The following CELF2 variants were observed in gnomAD, a reference collection of about 807,000 sequenced individuals.
The protein encoded by CELF2 is CUGBP Elav-like family member 2.
Under a neutral mutation model 62.6 loss-of-function variants are expected in CELF2, and 8 were observed. The ratio of observed to expected loss-of-function variants is 0.13; its 90% CI spans 0.07 to 0.23. The LOEUF (loss-of-function observed/expected upper bound fraction) is 0.23. Ranked by LOEUF, CELF2 falls within the 10% of genes least tolerant of loss-of-function variation. The pLI, the probability that CELF2 is intolerant of heterozygous loss-of-function variation, is 1.00. For synonymous variants in CELF2, 258 were observed against 250.0 expected, an observed-to-expected ratio of 1.03 and a Z score of -0.30; for missense variants, 333 against 671.0, an observed-to-expected ratio of 0.50 and a Z score of 5.56.
chr10:11,265,817 T>C (rs1000081317), intron 5 of CELF2, among the ~76,000 whole-genome samples: 14 of 152,226 alleles, frequency 9.2e-5, no homozygotes, highest in Admixed American at 7.8e-4. Context: ...GTACATTGTC[T>C]TGTGTATGTT....
the CELF2 span, among the ~76,000 whole-genome samples, chr10:10,624,266 T>G: frequency 6.6e-6 from 1 of 152,236 alleles, no homozygotes; most frequent in Non-Finnish European, 1.5e-5. Flanking sequence ...ATGCCAGAAA[T>G]CTGGTCTGTA....
chr10:11,286,715 TC>T (rs1469264020), intron 8 of CELF2, among the ~76,000 whole-genome samples: 1 of 152,234 alleles, frequency 6.6e-6, no homozygotes, highest in African/African-American at 2.4e-5. Context: ...GAGAGTGCTT[TC>T]TTTTGATTAT....
At chr10:11,086,010 A>T (rs77227105) in intron 1 of CELF2, among the ~76,000 whole-genome samples, 3,202 of 152,246 alleles carry the variant, frequency 0.021, 120 homozygotes, top group African/African-American at 0.073. Context: ...AATACACGTG[A>T]AAGTGCTTAG....
the CELF2 span, among the ~76,000 whole-genome samples, chr10:10,481,095 T>C: frequency 6.6e-6 from 1 of 152,132 alleles, no homozygotes; most frequent in Non-Finnish European, 1.5e-5. Context: ...TCAGTGTTAG[T>C]ACTTTGAAAA....
the CELF2 span, among the ~76,000 whole-genome samples, chr10:10,606,616 C>T: frequency 6.6e-6 from 1 of 152,144 alleles, no homozygotes; most frequent in East Asian, 1.9e-4. Flanking sequence ...GGATTCAAAT[C>T]AGCAAACTTG....
rs148134122 is a variant in CELF2, at chr10:11,213,176, G to A, written c.272-4249G>A. Among the ~76,000 whole-genome samples, 442 of 152,306 alleles carry A rather than the reference G, an allele frequency of 2.9e-3. 2 individuals carry two copies. Among genetic ancestry groups the A allele is most frequent in the African/African-American group, 9.9e-3 (413 of 41,562 alleles). Reference sequence around the variant, plus strand: ...TCCCAGAATGAATTCTGAAGCCCAAGGGACTGTCCCCTCTGATGCATGGTG... The same window carrying A: ...TCCCAGAATGAATTCTGAAGCCCAAAGGACTGTCCCCTCTGATGCATGGTG... On this transcript the variant is annotated intron_variant, in intron 2 of 12. Coordinates refer to ENST00000633077, the MANE Select transcript of CELF2 (RefSeq NM_001326342.2).
At chr10:11,147,401 G>A (rs756727942) in intron 1 of CELF2, among the ~76,000 whole-genome samples, 11 of 152,106 alleles carry the variant, frequency 7.2e-5, no homozygotes, top group Non-Finnish European at 1.6e-4. Flanking sequence ...AATATTTAAA[G>A]AACACTTATT....
intron 2 of CELF2, among the ~76,000 whole-genome samples, chr10:10,949,798 C>A (rs950044537): frequency 1.5e-5 from 2 of 136,338 alleles, no homozygotes; most frequent in African/African-American, 2.9e-5. Flanking sequence ...GAGACTGTGT[C>A]GCAAAACAAA....
chr10:10,757,313 G>C, the CELF2 span, among the ~76,000 whole-genome samples: 1,280 of 151,952 alleles, frequency 8.4e-3, 22 homozygotes, highest in African/African-American at 0.029. Context: ...AAAATAATTA[G>C]ATGGGCGTTT....
the CELF2 span, among the ~76,000 whole-genome samples, chr10:10,682,730 G>T: frequency 2.6e-5 from 4 of 151,842 alleles, no homozygotes; most frequent in Admixed American, 6.6e-5. Flanking sequence ...ACCTGTTATT[G>T]GATATCAGCA....
At chr10:10,910,764 A>G (rs1001330128) in intron 1 of CELF2, among the ~76,000 whole-genome samples, 3 of 151,468 alleles carry the variant, frequency 2.0e-5, no homozygotes, top group Non-Finnish European at 4.4e-5. Context: ...TCGCATGTGC[A>G]TTGTCTGTTT....
chr10:11,015,393 G>C (rs2057108847), upstream of CELF2, among the ~76,000 whole-genome samples: 2 of 152,170 alleles, frequency 1.3e-5, no homozygotes, highest in Admixed American at 6.5e-5. The surrounding 1 kb of genome is among the most constrained non-coding windows in gnomAD (Gnocchi z 4.8). Flanking sequence ...ACAAATGGAA[G>C]ATTGTTGTCA....
chr10:10,900,958 C>T (rs9424113), intron 1 of CELF2, among the ~76,000 whole-genome samples: 70,874 of 151,894 alleles, frequency 0.47, 17,309 homozygotes, highest in East Asian at 0.73. Flanking sequence ...AGTATTAAGC[C>T]TTGGGGGATA....
At chr10:11,312,235 CTT>C in intron 9 of CELF2, among the ~76,000 whole-genome samples, 1 of 152,266 alleles carries the variant, frequency 6.6e-6, no homozygotes, top group South Asian at 2.1e-4. Flanking sequence ...AGCTAAAAGA[CTT>C]TTTCACCAAT....
the CELF2 span, among the ~76,000 whole-genome samples, chr10:10,559,564 A>G: frequency 5.9e-5 from 9 of 152,342 alleles, no homozygotes; most frequent in African/African-American, 1.7e-4. Context: ...GAGTGTCACC[A>G]TATTGACTTA....
the CELF2 span, among the ~76,000 whole-genome samples, chr10:10,609,660 G>A: frequency 6.6e-6 from 1 of 152,220 alleles, no homozygotes; most frequent in Non-Finnish European, 1.5e-5. Context: ...TTCTTACAGA[G>A]GAACAGATAA....
intron 2 of CELF2, among the ~76,000 whole-genome samples, chr10:11,198,892 T>C (rs1333155204): frequency 6.6e-6 from 1 of 152,252 alleles, no homozygotes; most frequent in Admixed American, 6.5e-5. Flanking sequence ...ATCTTGTATA[T>C]AAAGGATTGC....
At chr10:10,714,281 T>A in the CELF2 span, among the ~76,000 whole-genome samples, 1 of 152,222 alleles carries the variant, frequency 6.6e-6, no homozygotes, top group Non-Finnish European at 1.5e-5. Flanking sequence ...AATTGCATGG[T>A]CGTTGCCAAC....
At chr10:10,465,778 G>C in the CELF2 span, among the ~76,000 whole-genome samples, 1 of 152,076 alleles carries the variant, frequency 6.6e-6, no homozygotes, top group African/African-American at 2.4e-5. Context: ...AAAAGAGATG[G>C]TTATGGCGGG....
Sources: gnomAD v4.1 joint callset for allele counts (sites outside exome capture counted in the v4.1 genomes callset) on GRCh38, gnomAD v4.1.1 for gene constraint, Gnocchi (gnomAD v3.1) non-coding constraint, MANE v1.5 for transcripts, NCBI Gene and HGNC (gene_info 2026-07-23, HGNC 2026-07-21) for gene names.